The following TACR3 variants were observed in gnomAD, a reference collection of about 807,000 sequenced individuals.
TACR3 encodes the protein neuromedin-K receptor.
TACR3 carries 34 observed loss-of-function variants against 35.0 expected under a neutral mutation model. That is an observed-to-expected ratio of 0.97 (90% CI 0.74 to 1.30). TACR3 has a LOEUF of 1.30. Ranked by LOEUF, TACR3 falls within the 50% of genes most tolerant of loss-of-function variation. The pLI, the probability that TACR3 is intolerant of heterozygous loss-of-function variation, is 0.00. For synonymous variants in TACR3, 233 were observed against 221.1 expected, an observed-to-expected ratio of 1.05 and a Z score of -0.48; for missense variants, 558 against 591.7, an observed-to-expected ratio of 0.94 and a Z score of 0.59.
At chr4:103,706,169 G>A (rs981614734) in intron 1 of TACR3, among the ~76,000 whole-genome samples, 1 of 152,122 alleles carries the variant, frequency 6.6e-6, no homozygotes, top group African/African-American at 2.4e-5. Context: ...AACACTGAAA[G>A]AGGGAAATAT....
At chr4:103,629,350 G>A (rs1724988946) in intron 3 of TACR3, among the ~76,000 whole-genome samples, 1 of 152,076 alleles carries the variant, frequency 6.6e-6, no homozygotes, top group Admixed American at 6.6e-5. Flanking sequence ...AAGCCAAATT[G>A]TCCCTGTTTT....
chr4:103,715,129 C>T (rs147880366), intron 1 of TACR3, among the ~76,000 whole-genome samples: 70 of 152,220 alleles, frequency 4.6e-4, no homozygotes, highest in Middle Eastern at 3.4e-3. Flanking sequence ...TTTCTTAAAG[C>T]TTTTGAACAA....
intron 1 of TACR3, among the ~76,000 whole-genome samples, chr4:103,713,797 C>A (rs1723025731): frequency 6.6e-6 from 1 of 151,990 alleles, no homozygotes; most frequent in Non-Finnish European, 1.5e-5. Context: ...TGCATTTAAT[C>A]ATTATGTATA....
chr4:103,617,810 C>G (rs890062416), intron 3 of TACR3, among the ~76,000 whole-genome samples: 1 of 152,032 alleles, frequency 6.6e-6, no homozygotes, highest in Non-Finnish European at 1.5e-5. Context: ...TAAATGTAAA[C>G]TTTCATATAT....
chr4:103,688,653 C>A (rs545512094), intron 1 of TACR3, among the ~76,000 whole-genome samples: 14 of 150,962 alleles, frequency 9.3e-5, no homozygotes, highest in Non-Finnish European at 1.8e-4. Flanking sequence ...AAAAAATGCT[C>A]ACCATCACTG....
At chr4:103,644,072 T>C (rs1725410685) in intron 3 of TACR3, among the ~76,000 whole-genome samples, 1 of 151,814 alleles carries the variant, frequency 6.6e-6, no homozygotes, top group Non-Finnish European at 1.5e-5. Context: ...TTCAAAGTGT[T>C]TCACATTTAC....
At chr4:103,590,284 A>G (rs2110282488) in intron 4 of TACR3, among the ~76,000 whole-genome samples, 1 of 152,346 alleles carries the variant, frequency 6.6e-6, no homozygotes, top group East Asian at 1.9e-4. Context: ...TCAGGTAATC[A>G]ATATGTTAAA....
chr4:103,657,550 A>T (rs1301683662), intron 2 of TACR3, among the ~76,000 whole-genome samples: 1 of 152,046 alleles, frequency 6.6e-6, no homozygotes, highest in Non-Finnish European at 1.5e-5. Context: ...TTAAAGGGAA[A>T]AATTGGTGAG....
At chr4:103,607,872 T>C (rs1037640043) in intron 3 of TACR3, among the ~76,000 whole-genome samples, 1 of 152,128 alleles carries the variant, frequency 6.6e-6, no homozygotes, top group Non-Finnish European at 1.5e-5. Context: ...GAAACATCAC[T>C]ACAGGGTTTT....
At chr4:103,649,503 T>A (rs1725534886) in intron 3 of TACR3, among the ~76,000 whole-genome samples, 1 of 146,220 alleles carries the variant, frequency 6.8e-6, no homozygotes, top group African/African-American at 2.7e-5. Flanking sequence ...TTCTAGATGC[T>A]GTAGGTATGC....
chr4:103,623,653 C>T (rs1413779199), intron 3 of TACR3, among the ~76,000 whole-genome samples: 1 of 152,010 alleles, frequency 6.6e-6, no homozygotes, highest in African/African-American at 2.4e-5. Context: ...GACCAGAGAG[C>T]AATAGAAACT....
intron 3 of TACR3, among the ~76,000 whole-genome samples, chr4:103,631,114 G>A (rs1372791482): frequency 6.6e-6 from 1 of 152,064 alleles, no homozygotes; most frequent in Non-Finnish European, 1.5e-5. Flanking sequence ...ACTCATAGGT[G>A]GGAATTGAAC....
chr4:103,619,171 T>C (rs1407549473), intron 3 of TACR3, among the ~76,000 whole-genome samples: 3 of 152,114 alleles, frequency 2.0e-5, no homozygotes, highest in Non-Finnish European at 4.4e-5. Flanking sequence ...AATCATATCA[T>C]CTGTGAAGAG....
chr4:103,627,322 C>G (rs1425281108), intron 3 of TACR3, among the ~76,000 whole-genome samples: 1 of 135,038 alleles, frequency 7.4e-6, no homozygotes, highest in Non-Finnish European at 1.5e-5. Context: ...CGAGACCAGT[C>G]TGGCCAACAT....
At chr4:103,626,245 G>A (rs989732848) in intron 3 of TACR3, among the ~76,000 whole-genome samples, 2 of 152,122 alleles carry the variant, frequency 1.3e-5, no homozygotes, top group Non-Finnish European at 1.5e-5. Flanking sequence ...ATATACATGT[G>A]TAATTTACAT....
chr4:103,636,511 AAAT>A (rs1414114523), intron 3 of TACR3, among the ~76,000 whole-genome samples: 1 of 152,064 alleles, frequency 6.6e-6, no homozygotes, highest in Non-Finnish European at 1.5e-5. Context: ...CATAATACGT[AAAT>A]AATACAATAA....
intron 1 of TACR3, among the ~76,000 whole-genome samples, chr4:103,687,634 A>C (rs1278144076): frequency 6.6e-6 from 1 of 152,012 alleles, no homozygotes; most frequent in Non-Finnish European, 1.5e-5. Context: ...TCATGAGTGA[A>C]CTCCCATTCA....
rs539018851 is a variant in TACR3, at chr4:103,687,377, G to A, written c.549-28974C>T. 2.3e-4 allele frequency among the ~76,000 whole-genome samples: 35 copies of A among 152,182 alleles called. No individual in the cohort carries two copies. In the South Asian group the frequency reaches 4.6e-3, roughly 20 times the overall value. ...TCTCTCAACACTCCTATTCAACATA[G>A]TGTTGGAAGTTCTGGCCAGGGCAAT... is the stretch of plus-strand genomic sequence containing the variant. On this transcript the variant is annotated intron_variant, in intron 1 of 4. Transcript: ENST00000304883.
At position 103,632,897 on chromosome 4, in the gene TACR3, T is replaced by C. The variant is rs113937998; in HGVS notation, c.888+23297A>G. On this transcript the variant is annotated intron_variant, in intron 3 of 4. Transcript: ENST00000304883. The stretch of plus-strand genomic sequence containing the variant: ...TCAAAGGGGGCAAGATAACTCTAAG[T>C]GACATGGACAACAGAACTAGAGGGA... Among the ~76,000 whole-genome samples, 1,311 of 152,022 alleles carry C rather than the reference T, an allele frequency of 8.6e-3. 17 individuals carry two copies. Among genetic ancestry groups the C allele is most frequent in the African/African-American group, 0.03 (1,227 of 41,458 alleles).
Sources: gnomAD v4.1 joint callset for allele counts (sites outside exome capture counted in the v4.1 genomes callset) on GRCh38, gnomAD v4.1.1 for gene constraint, MANE v1.5 for transcripts, NCBI Gene and HGNC (gene_info 2026-07-23, HGNC 2026-07-21) for gene names.